The following KIAA1217 variants were observed in gnomAD, a reference collection of about 807,000 sequenced individuals.
KIAA1217 encodes sickle tail protein homolog.
In KIAA1217, 88 loss-of-function variants were observed where a neutral mutation model predicts 163.9. The observed-to-expected ratio is 0.54, with a 90% CI of 0.45 to 0.64. The LOEUF is 0.64. Ranked by LOEUF, KIAA1217 falls within the 30% of genes least tolerant of loss-of-function variation. The pLI, the probability that KIAA1217 is intolerant of heterozygous loss-of-function variation, is 0.00. For synonymous variants in KIAA1217, 903 were observed against 923.1 expected, an observed-to-expected ratio of 0.98 and a Z score of 0.39; for missense variants, 2,372 against 2,475.0, an observed-to-expected ratio of 0.96 and a Z score of 0.88.
intron 14 of KIAA1217, 132 bp downstream of exon 14, chr10:24,528,251 C>A: frequency 1.5e-6 from 1 of 688,092 alleles, no homozygotes; most frequent in Non-Finnish European, 2.4e-6. Context: ...AAATGTAAAA[C>A]CTGGAAGAGC....
intron 2 of KIAA1217, among the ~76,000 whole-genome samples, chr10:24,185,461 G>A (rs910722633): frequency 6.6e-6 from 1 of 152,018 alleles, no homozygotes; most frequent in Non-Finnish European, 1.5e-5. Context: ...AAAATCAAAG[G>A]CTACTAAATC....
intron 3 of KIAA1217, among the ~76,000 whole-genome samples, chr10:24,414,548 G>A (rs544123385): frequency 4.6e-5 from 7 of 152,280 alleles, no homozygotes; most frequent in African/African-American, 9.6e-5. Flanking sequence ...AACAATTGTC[G>A]TTTTGATCAT....
At chr10:23,895,478 A>G (rs1841639704) in intron 1 of KIAA1217, among the ~76,000 whole-genome samples, 2 of 152,182 alleles carry the variant, frequency 1.3e-5, no homozygotes, top group African/African-American at 2.4e-5. Context: ...GCAATCATTA[A>G]AAAGTCAGGA....
At chr10:24,356,273 A>G (rs1193465594) in intron 2 of KIAA1217, among the ~76,000 whole-genome samples, 3 of 152,198 alleles carry the variant, frequency 2.0e-5, no homozygotes, top group Admixed American at 6.5e-5. Flanking sequence ...ATTGAGGGTC[A>G]TGGTTTAGTT....
At chr10:23,913,485 CG>C (rs1842519397) in intron 1 of KIAA1217, among the ~76,000 whole-genome samples, 1 of 150,928 alleles carries the variant, frequency 6.6e-6, no homozygotes, top group Non-Finnish European at 1.5e-5. Flanking sequence ...GCCTTATTAA[CG>C]TGCATGGGGG....
At chr10:23,818,032 TATATAC>T (rs1837418879) in intron 1 of KIAA1217, among the ~76,000 whole-genome samples, 1 of 128,602 alleles carries the variant, frequency 7.8e-6, no homozygotes, top group African/African-American at 3.3e-5. Flanking sequence ...TACACACATA[TATATAC>T]ATATATATAC....
chr10:23,906,206 G>T (rs528063928), intron 1 of KIAA1217, among the ~76,000 whole-genome samples: 1 of 151,994 alleles, frequency 6.6e-6, no homozygotes, highest in African/African-American at 2.4e-5. Flanking sequence ...TGGGGATTAA[G>T]TTGCAACATA....
Position 24,228,554 on chromosome 10 carries a change from C to T in KIAA1217, c.354+8645C>T, listed in dbSNP as rs145232978. The stretch of plus-strand genomic sequence containing the variant: ...AGGAATTCTGGCTACTTCCCTCTTG[C>T]GATCATGCCATCTCAACACATGGAT... On this transcript the variant is annotated intron_variant, in intron 2 of 20. Transcript: ENST00000376454. 2.3e-3 allele frequency among the ~76,000 whole-genome samples: 346 copies of T among 152,230 alleles called. 3 individuals carry two copies. Among genetic ancestry groups the T allele is most frequent in the African/African-American group, 8.0e-3 (332 of 41,548 alleles).
Position 24,063,318 on chromosome 10 carries a change from A to C in KIAA1217, c.-171+55944A>C, listed in dbSNP as rs572786635. On this transcript the variant is annotated intron_variant, in intron 2 of 18. Coordinates refer to the KIAA1217 transcript ENST00000376462. ...ATCCATGTTGAATTAATTTTTGTAT[A>C]AGGTGTAAGGAAGGGATCCAGTTTC... 5.9e-5 allele frequency among the ~76,000 whole-genome samples: 9 copies of C among 152,310 alleles called. No individual in the cohort carries two copies. The South Asian group carries it at 6.2e-4, about 11-fold the overall frequency.
chr10:24,235,239 A>G (rs1334588681), intron 2 of KIAA1217, among the ~76,000 whole-genome samples: 1 of 152,234 alleles, frequency 6.6e-6, no homozygotes, highest in Non-Finnish European at 1.5e-5. Context: ...CTGGTGTTTG[A>G]CCGAACAACT....
At chr10:24,029,003 G>A (rs1381937492) in intron 2 of KIAA1217, among the ~76,000 whole-genome samples, 2 of 152,294 alleles carry the variant, frequency 1.3e-5, no homozygotes, top group Non-Finnish European at 2.9e-5. Flanking sequence ...TAAAAGAGAT[G>A]TCCAGTAAGT....
At chr10:24,183,412 T>A (rs1176940703) in intron 2 of KIAA1217, among the ~76,000 whole-genome samples, 1 of 152,146 alleles carries the variant, frequency 6.6e-6, no homozygotes, top group Non-Finnish European at 1.5e-5. Flanking sequence ...GTCCTTCCTC[T>A]CTTTCTGTTA....
At chr10:24,433,280 T>TTA (rs2059746766) in intron 4 of KIAA1217, 87 bp downstream of exon 4, 2 of 951,484 alleles carry the variant, frequency 2.1e-6, no homozygotes, top group Middle Eastern at 2.9e-4. Context: ...GGTTTTTTTT[T>TTA]ACCCACTATA....
chr10:23,821,104 CGTGT>C (rs3072739), intron 1 of KIAA1217, among the ~76,000 whole-genome samples: 27,930 of 143,058 alleles, frequency 0.2, 2,801 homozygotes, highest in Non-Finnish European at 0.23. Context: ...TGTGTGTGTG[CGTGT>C]GTGTGTGTGT....
At chr10:23,864,063 T>C (rs1219212771) in intron 1 of KIAA1217, among the ~76,000 whole-genome samples, 1 of 142,956 alleles carries the variant, frequency 7.0e-6, no homozygotes, top group Non-Finnish European at 1.5e-5. Context: ...ACAAAAACCT[T>C]GTAAAGTAGT....
At chr10:24,433,868 T>A (rs565392439) in intron 4 of KIAA1217, among the ~76,000 whole-genome samples, 4 of 152,012 alleles carry the variant, frequency 2.6e-5, no homozygotes, top group African/African-American at 9.7e-5. Flanking sequence ...TCTTAAAGAG[T>A]TGTCCTTTAC....
intron 1 of KIAA1217, among the ~76,000 whole-genome samples, chr10:23,815,967 G>A (rs921881358): frequency 6.6e-6 from 1 of 152,164 alleles, no homozygotes. Flanking sequence ...CTGCTTACAG[G>A]AAGGTACTGT....
chr10:23,902,300 A>G (rs1038295552), intron 1 of KIAA1217, among the ~76,000 whole-genome samples: 1 of 152,122 alleles, frequency 6.6e-6, no homozygotes, highest in Non-Finnish European at 1.5e-5. Flanking sequence ...ATTCTCACTT[A>G]TAAGTGGGAG....
intron 1 of KIAA1217, among the ~76,000 whole-genome samples, chr10:23,766,101 ATTC>A (rs1265246681): frequency 1.3e-5 from 2 of 152,214 alleles, no homozygotes; most frequent in Non-Finnish European, 2.9e-5. Context: ...TGATTTTAAT[ATTC>A]TTCTTCTCTA....
Sources: allele counts gnomAD v4.1 joint callset (sites outside exome capture counted in the v4.1 genomes callset), GRCh38; gene constraint gnomAD v4.1.1; transcripts MANE v1.5; gene names NCBI Gene and HGNC (gene_info 2026-07-23, HGNC 2026-07-21).